The following ATP8B1 variants were observed in gnomAD, a reference collection of about 807,000 sequenced individuals.
ATP8B1 encodes the protein ATPase phospholipid transporting 8B1.
In ATP8B1, 80 loss-of-function variants were observed where a neutral mutation model predicts 149.9. The observed-to-expected ratio is 0.53, with a 90% confidence interval of 0.45 to 0.64. The LOEUF (loss-of-function observed/expected upper bound fraction) is 0.64. ATP8B1 is among the 30% of genes least tolerant of loss of function. The probability of loss-of-function intolerance (pLI) is 0.00; values close to 1 mark genes in which losing one functional copy is unlikely to be tolerated. For missense variants in ATP8B1, 1,247 were observed against 1,552.6 expected (o/e 0.80, Z 3.31); for synonymous variants, 536 against 562.8 (o/e 0.95, Z 0.67).
chr18:57,698,234 C>T (rs573847750), intron 6 of ATP8B1, among the ~76,000 whole-genome samples: 1 of 152,282 alleles, frequency 6.6e-6, no homozygotes, highest in South Asian at 2.1e-4. Context: ...ATGCTGGTCC[C>T]AGGACAGAAG....
At chr18:57,783,385 A>G (rs2080375606) in intron 1 of ATP8B1, among the ~76,000 whole-genome samples, 1 of 152,208 alleles carries the variant, frequency 6.6e-6, no homozygotes, top group Non-Finnish European at 1.5e-5. Flanking sequence ...GGGTGGACAC[A>G]TATGGTTTAA....
At chr18:57,668,614 C>G (rs998493697) in intron 18 of ATP8B1, 74 bp from the exon 19 acceptor site, 33 of 971,350 alleles carry the variant, frequency 3.4e-5, no homozygotes, top group Non-Finnish European at 4.8e-5. Context: ...TTACAGGTTG[C>G]CAACCTGTAA....
At chr18:57,710,482 G>A (rs979129773) in intron 2 of ATP8B1, among the ~76,000 whole-genome samples, 6 of 152,002 alleles carry the variant, frequency 3.9e-5, no homozygotes, top group East Asian at 3.9e-4. Flanking sequence ...TGCTGGCTCC[G>A]AACGCTTGCT....
intron 2 of ATP8B1, among the ~76,000 whole-genome samples, chr18:57,718,776 G>A (rs952851469): frequency 3.3e-5 from 5 of 152,128 alleles, no homozygotes; most frequent in African/African-American, 1.2e-4. Context: ...AAAACCATAT[G>A]ATCATTTCAA....
intron 25 of ATP8B1, 34 bp downstream of exon 25, chr18:57,652,450 T>C (rs764440498): frequency 1.9e-6 from 3 of 1,613,820 alleles, no homozygotes; most frequent in African/African-American, 1.3e-5. Context: ...TAGGTACCAA[T>C]AGACACTGAA....
At chr18:57,697,399 G>A (rs1335210350) in intron 8 of ATP8B1, among the ~76,000 whole-genome samples, 2 of 152,144 alleles carry the variant, frequency 1.3e-5, no homozygotes, top group Admixed American at 6.5e-5. Flanking sequence ...AGACACATAT[G>A]CTCCTGTCTG....
intron 8 of ATP8B1, among the ~76,000 whole-genome samples, chr18:57,696,590 C>T (rs1432523117): frequency 6.7e-6 from 1 of 149,732 alleles, no homozygotes; most frequent in Admixed American, 6.7e-5. Flanking sequence ...CAGTCAATTG[C>T]CTGATCTATG....
Position 57,714,896 on chromosome 18 carries a change from A to G in ATP8B1, c.182-8309T>C, listed in dbSNP as rs375784774. Among the ~76,000 whole-genome samples the G allele has an allele frequency of 8.7e-4, 132 of 152,354 alleles. 2 individuals carry two copies. In the South Asian group the frequency reaches 0.027, roughly 31 times the overall value. On this transcript the variant is annotated intron_variant, in intron 2 of 27. Transcript: ENST00000648908. The stretch of plus-strand genomic sequence containing the variant: ...CTTCAATGCCCAGACATTGATGAAC[A>G]TCCACAAGCATCAAGAACATCCAGG...
intron 1 of ATP8B1, among the ~76,000 whole-genome samples, chr18:57,745,556 G>C (rs2079956579): frequency 6.6e-6 from 1 of 152,106 alleles, no homozygotes; most frequent in Admixed American, 6.6e-5. Flanking sequence ...ACAAGAGTGA[G>C]CCACTGCACC....
chr18:57,771,975 A>G (rs936728725), intron 1 of ATP8B1, among the ~76,000 whole-genome samples: 3 of 152,340 alleles, frequency 2.0e-5, no homozygotes, highest in Middle Eastern at 3.4e-3. Context: ...TATAATGTTT[A>G]TACTCCTAAA....
At position 57,721,623 on chromosome 18, in the gene ATP8B1, C is replaced by T. The variant is rs2079647128; in HGVS notation, c.181+10004G>A. On this transcript the variant is annotated intron_variant, in intron 2 of 27. Transcript: ENST00000648908. ...AAATCCTGAGTGACCTACAAAGAGACTTAGACTCCCACACATTAATAATGG... is the reference window on the plus strand; with the variant it reads ...AAATCCTGAGTGACCTACAAAGAGATTTAGACTCCCACACATTAATAATGG... Among the ~76,000 whole-genome samples the T allele has an allele frequency of 4.7e-5, 7 of 150,098 alleles. No individual in the cohort carries two copies. In the South Asian group the frequency reaches 1.5e-3, roughly 32 times the overall value.
At chr18:57,713,286 TTC>T (rs139330730) in intron 2 of ATP8B1, among the ~76,000 whole-genome samples, 22,600 of 137,926 alleles carry the variant, frequency 0.16, 2,438 homozygotes, top group East Asian at 0.5. Flanking sequence ...TCTTTTTTCT[TTC>T]TCTCTCTCTC....
chr18:57,726,767 G>C (rs571624180), intron 2 of ATP8B1, among the ~76,000 whole-genome samples: 20 of 152,138 alleles, frequency 1.3e-4, no homozygotes, highest in Non-Finnish European at 2.8e-4. Flanking sequence ...AAATGAGCAT[G>C]TTGCCCAAGA....
chr18:57,724,421 C>A (rs2079683048), intron 2 of ATP8B1, among the ~76,000 whole-genome samples: 1 of 150,372 alleles, frequency 6.7e-6, no homozygotes. Context: ...ACAAACAACC[C>A]CATCAAAAAG....
At chr18:57,664,112 A>G (rs953380713) in intron 20 of ATP8B1, among the ~76,000 whole-genome samples, 2 of 141,238 alleles carry the variant, frequency 1.4e-5, no homozygotes, top group South Asian at 4.5e-4. Flanking sequence ...TAATTTTACT[A>G]TGTCTCGATT....
intron 1 of ATP8B1, among the ~76,000 whole-genome samples, chr18:57,774,060 C>A (rs913012754): frequency 1.3e-5 from 2 of 152,172 alleles, no homozygotes; most frequent in East Asian, 3.9e-4. Context: ...GCTCTCTTTC[C>A]CTCTCATCTA....
chr18:57,701,593 A>T (rs1319974192), intron 4 of ATP8B1, among the ~76,000 whole-genome samples: 2 of 152,196 alleles, frequency 1.3e-5, no homozygotes, highest in Non-Finnish European at 2.9e-5. Context: ...GTTTTGTATT[A>T]TGATACCTAA....
chr18:57,693,477 G>A (rs1912644698), intron 11 of ATP8B1, among the ~76,000 whole-genome samples: 1 of 152,150 alleles, frequency 6.6e-6, no homozygotes, highest in Admixed American at 6.6e-5. Flanking sequence ...GGAGGCCGAG[G>A]CAGGCAGATC....
chr18:57,663,761 A>ATTTT (rs10598900), intron 20 of ATP8B1, among the ~76,000 whole-genome samples: 8 of 97,436 alleles, frequency 8.2e-5, no homozygotes, highest in African/African-American at 1.2e-4. Context: ...TGCTTTGCCC[A>ATTTT]TTTTTTTTTT....
Sources: allele counts gnomAD v4.1 joint callset (sites outside exome capture counted in the v4.1 genomes callset), GRCh38; gene constraint gnomAD v4.1.1; transcripts MANE v1.5; gene names NCBI Gene and HGNC (gene_info 2026-07-23, HGNC 2026-07-21).